The following KIF11 variants were observed in gnomAD, a reference collection of about 807,000 sequenced individuals.
KIF11 encodes kinesin-like protein KIF11.
A neutral mutation model predicts 121.0 loss-of-function variants in KIF11; 9 were observed. The ratio of observed to expected loss-of-function variants is 0.07; its 90% CI spans 0.04 to 0.13. The LOEUF (loss-of-function observed/expected upper bound fraction) is 0.13, where lower values mean the gene tolerates loss of function less well. KIF11 is among the 10% of genes least tolerant of loss of function. The pLI is 1.00. For missense variants in KIF11, 846 were observed against 1,217.5 expected (o/e 0.69, Z 4.54); for synonymous variants, 408 against 421.0 (o/e 0.97, Z 0.38).
At chr10:92,619,169 A>C (rs1182087326) in intron 9 of KIF11, among the ~76,000 whole-genome samples, 1 of 152,112 alleles carries the variant, frequency 6.6e-6, no homozygotes, top group Admixed American at 6.5e-5. Context: ...GGTGTTTGCC[A>C]CCATGTCCAG....
intron 9 of KIF11, among the ~76,000 whole-genome samples, chr10:92,621,021 T>C (rs969116286): frequency 6.6e-6 from 1 of 152,372 alleles, no homozygotes; most frequent in South Asian, 2.1e-4. Context: ...CCTTGTCTTA[T>C]TTGACAAGAT....
intron 4 of KIF11, 22 bp downstream of exon 4, chr10:92,607,259 C>G: frequency 7.2e-7 from 1 of 1,388,660 alleles, no homozygotes; most frequent in Non-Finnish European, 1.0e-6. Flanking sequence ...TTATAACATA[C>G]TTTTATCTCT....
intron 10 of KIF11, among the ~76,000 whole-genome samples, chr10:92,628,407 T>C (rs371286254): frequency 6.6e-6 from 1 of 152,172 alleles, no homozygotes; most frequent in Non-Finnish European, 1.5e-5. Flanking sequence ...TTTCCAGCAT[T>C]CTGTGGGGCA....
chr10:92,621,456 T>G lies in KIF11; in HGVS notation c.1200T>G (p.Ile400Met), dbSNP rs374124829. 2.9e-5 allele frequency: 47 copies of G among 1,610,934 alleles called. No homozygotes were observed. Among genetic ancestry groups the G allele is most frequent in the Non-Finnish European group, 3.7e-5 (44 of 1,177,776 alleles). Residue 400 changes from isoleucine (I) to methionine (M), a missense_variant, in exon 10 of 22, where the codon ATT (isoleucine) becomes ATG (methionine). Transcript: ENST00000260731. ...CCCGTGAGAAAAATGGAGTGTATATTTCTGAAGAAAATTTTAGGTAAGCCC... is the reference window on the plus strand; with the variant it reads ...CCCGTGAGAAAAATGGAGTGTATATGTCTGAAGAAAATTTTAGGTAAGCCC... ...AAAREKNGVY[I>M]SEENFRVMSG...
chr10:92,615,890 A>C (rs1033645547), intron 8 of KIF11, among the ~76,000 whole-genome samples: 2 of 137,344 alleles, frequency 1.5e-5, no homozygotes, highest in African/African-American at 5.6e-5. Context: ...CCTAGGCTGG[A>C]GTGCAATGGT....
Position 92,600,074 on chromosome 10 carries a change from C to T in KIF11, c.78-6191C>T, listed in dbSNP as rs554132904. Among the ~76,000 whole-genome samples the T allele has an allele frequency of 5.3e-5, 8 of 149,960 alleles. No homozygotes were observed. The South Asian group carries it at 1.5e-3, about 28-fold the overall frequency. On this transcript the variant is annotated intron_variant, in intron 1 of 21. Coordinates refer to ENST00000260731, the MANE Select transcript of KIF11 (RefSeq NM_004523.4). ...AGGCGGGAGTGCAGTGGTGTGATCTCGGCTCACTGCAACCTCCGCCTCCCG... is the reference window on the plus strand; with the variant it reads ...AGGCGGGAGTGCAGTGGTGTGATCTTGGCTCACTGCAACCTCCGCCTCCCG...
rs770362112 is a variant in KIF11 at position 92,606,373 on chromosome 10, A to G, written c.186A>G (p.Ser62=). ...CTGGAGGATTGGCTGACAAGAGCTC[A>G]AGGAAAACATACACTTTTGATATGG... ...VRTGGLADKS[S]RKTYTFDMVF... The change falls in exon 2 of 22, where the codon TCA becomes TCG. Residue 62 remains serine, a synonymous_variant. Coordinates refer to ENST00000260731, the MANE Select transcript of KIF11 (RefSeq NM_004523.4). 1 of 1,610,314 alleles carries G rather than the reference A, an allele frequency of 6.2e-7. No individual in the cohort carries two copies. Among genetic ancestry groups the G allele is most frequent in the South Asian group, 1.1e-5 (1 of 90,322 alleles).
At chr10:92,618,471 C>A (rs1844582933) in intron 9 of KIF11, among the ~76,000 whole-genome samples, 1 of 151,118 alleles carries the variant, frequency 6.6e-6, no homozygotes, top group African/African-American at 2.4e-5. Context: ...ATAGTGAAAC[C>A]CTCATCTCTA....
intron 11 of KIF11, 117 bp downstream of exon 11, chr10:92,629,012 G>A (rs930770787): frequency 9.4e-5 from 54 of 575,604 alleles, no homozygotes; most frequent in South Asian, 5.9e-4. Context: ...ACGGAGTCTC[G>A]CTCTGTCACC....
chr10:92,619,407 T>C (rs1483312370), intron 9 of KIF11, among the ~76,000 whole-genome samples: 1 of 152,220 alleles, frequency 6.6e-6, no homozygotes, highest in Non-Finnish European at 1.5e-5. Context: ...GAATAACATA[T>C]GAGCTAATTT....
intron 21 of KIF11, among the ~76,000 whole-genome samples, chr10:92,652,857 C>T (rs1428217033): frequency 2.0e-5 from 3 of 152,140 alleles, no homozygotes; most frequent in African/African-American, 7.2e-5. Flanking sequence ...CAGAAATGAT[C>T]TTTTCCCTAG....
intron 10 of KIF11, among the ~76,000 whole-genome samples, chr10:92,621,907 A>G (rs1844621193): frequency 6.6e-6 from 1 of 152,182 alleles, no homozygotes; most frequent in Non-Finnish European, 1.5e-5. Context: ...AATTCATGTG[A>G]AGTTTCAAGA....
At chr10:92,615,345 G>T (rs1206993727) in intron 8 of KIF11, among the ~76,000 whole-genome samples, 1 of 152,014 alleles carries the variant, frequency 6.6e-6, no homozygotes, top group Admixed American at 6.6e-5. Context: ...GGTGGAGATT[G>T]TAGTGAGCCG....
chr10:92,637,103 GTATT>G, intron 14 of KIF11, 77 bp from the exon 15 acceptor site: 1 of 926,526 alleles, frequency 1.1e-6, no homozygotes, highest in Non-Finnish European at 1.6e-6. Flanking sequence ...AGCTACCAAA[GTATT>G]TAAGATATCA....
chr10:92,654,347 CAA>C lies in KIF11; in HGVS notation c.*553_*554del, dbSNP rs989016602. The C allele has an allele frequency of 3.9e-5, 6 of 152,156 alleles. No individual in the cohort carries two copies. The highest frequency in any genetic ancestry group is 3.8e-4 in the East Asian group (2 of 5,202). 9.4% of individuals were successfully genotyped at this position (152,156 alleles called of 1,614,324 possible). On this transcript the variant is annotated 3_prime_UTR_variant, in exon 22 of 22. Transcript: ENST00000260731. ...TTCATATAAAGTAGTTCTTTTATAA[CAA>C]ATGAAAAGTATTTTTCTTGTATATT...
intron 17 of KIF11, among the ~76,000 whole-genome samples, chr10:92,643,443 C>T (rs952895453): frequency 6.6e-6 from 1 of 151,780 alleles, no homozygotes; most frequent in Admixed American, 6.6e-5. Context: ...TCCTCTTTCC[C>T]GTTTGTCATT....
At position 92,621,416 on chromosome 10, in the gene KIF11, G is replaced by A. The variant is rs773584472; in HGVS notation, c.1160G>A (p.Arg387Gln). 8 of 1,613,194 alleles carry A rather than the reference G, an allele frequency of 5.0e-6. No homozygotes were observed. Among genetic ancestry groups the A allele is most frequent in the South Asian group, 1.1e-5 (1 of 91,054 alleles). ...ACGGAGGAGATAGAACGTTTAAAAC[G>A]AGATCTTGCTGCAGCCCGTGAGAAA... is the stretch of plus-strand genomic sequence containing the variant. Reference protein sequence around the residue: ...EYTEEIERLKRDLAAAREKNG... With the variant: ...EYTEEIERLKQDLAAAREKNG... Residue 387 changes from arginine to glutamine, a missense_variant, in exon 10 of 22, where the codon CGA becomes CAA. By Grantham distance (43) the Arg-to-Gln change is conservative. Coordinates refer to ENST00000260731, the MANE Select transcript of KIF11 (RefSeq NM_004523.4).
At chr10:92,643,212 GC>G (rs1392321519) in intron 17 of KIF11, among the ~76,000 whole-genome samples, 1 of 152,110 alleles carries the variant, frequency 6.6e-6, no homozygotes, top group Non-Finnish European at 1.5e-5. Context: ...GCACCCAGCT[GC>G]CTTTCCTCAT....
At chr10:92,606,418 T>G in intron 2 of KIF11, 21 bp downstream of exon 2, 1 of 1,566,836 alleles carries the variant, frequency 6.4e-7, no homozygotes, top group Non-Finnish European at 8.6e-7. Context: ...GTGCAATTTC[T>G]TTATTATCCA....
Sources: allele counts gnomAD v4.1 joint callset (sites outside exome capture counted in the v4.1 genomes callset), GRCh38; gene constraint gnomAD v4.1.1; transcripts MANE v1.5; gene names NCBI Gene and HGNC (gene_info 2026-07-23, HGNC 2026-07-21).